Variants in AKAP3 observed in about 807,000 individuals in gnomAD.
The protein encoded by AKAP3 is A-kinase anchor protein 3.
Under a neutral mutation model 57.2 loss-of-function variants are expected in AKAP3, and 27 were observed. The ratio of observed to expected loss-of-function variants is 0.47; its 90% CI spans 0.35 to 0.65. The LOEUF (loss-of-function observed/expected upper bound fraction) is 0.65. Ranked by LOEUF, AKAP3 falls within the 30% of genes least tolerant of loss-of-function variation. The probability of loss-of-function intolerance (pLI) is 0.01; values close to 1 mark genes in which losing one functional copy is unlikely to be tolerated. For missense variants in AKAP3, 959 were observed against 1,040.0 expected, an observed-to-expected ratio of 0.92 and a Z score of 1.07; for synonymous variants, 334 against 392.3, an observed-to-expected ratio of 0.85 and a Z score of 1.76.
At position 4,638,210 on chromosome 12, in the gene AKAP3, A is replaced by T; in HGVS notation, c.1-14T>A. 2 of 1,566,970 alleles carry T rather than the reference A, an allele frequency of 1.3e-6. No individual in the cohort carries two copies. The highest frequency in any genetic ancestry group is 1.7e-6 in the Non-Finnish European group (2 of 1,145,480). ...CTTTTCTGACATCTGGAAGCAGGGG[A>T]AAAAAATGAGAAAGGGTCATCACAA... On this transcript the variant is annotated splice_polypyrimidine_tract_variant and intron_variant, in intron 3 of 5. Coordinates refer to ENST00000228850, the MANE Select transcript of AKAP3 (RefSeq NM_001278309.2).
In AKAP3 at chr12:4,627,784, A is replaced by G; in HGVS notation, c.1118T>C (p.Ile373Thr). The G allele has an allele frequency of 1.2e-6, 2 of 1,614,036 alleles. No individual in the cohort carries two copies. Among genetic ancestry groups the G allele is most frequent in the East Asian group, 2.2e-5 (1 of 44,878 alleles). ...FSHGSQKATD[I>T]MDAMLRKLYN... ...CAGCTTCCTTAGCATGGCATCCATG[A>G]TATCTGTGGCCTTTTGGCTTCCATG... The change falls in exon 5 of 6, where the codon ATC becomes ACC. Residue 373 changes from isoleucine (I) to threonine (T), a missense_variant. Physicochemically the swap from Ile to Thr is moderately conservative, Grantham distance 89 (BLOSUM62 -1). Coordinates refer to ENST00000228850, the MANE Select transcript of AKAP3 (RefSeq NM_001278309.2).
chr12:4,644,680 A>G (rs962322167), intron 2 of AKAP3, among the ~76,000 whole-genome samples: 1 of 152,206 alleles, frequency 6.6e-6, no homozygotes, highest in African/African-American at 2.4e-5. Flanking sequence ...GGGAGGCCGA[A>G]GTGGAGGGGA....
At chr12:4,631,052 GGT>G (rs1565555143) in intron 4 of AKAP3, among the ~76,000 whole-genome samples, 1 of 152,064 alleles carries the variant, frequency 6.6e-6, no homozygotes, top group Non-Finnish European at 1.5e-5. Context: ...AGGTGCACTA[GGT>G]GTGTCTTTTC....
chr12:4,648,463 G>A (rs1945725620), intron 1 of AKAP3: 1 of 152,222 alleles, frequency 6.6e-6, no homozygotes, highest in Non-Finnish European at 1.5e-5. Flanking sequence ...CCTTGGATAG[G>A]ATGGTCAGAG....
rs778969713 is a variant in AKAP3, at chr12:4,628,169, C to T, written c.733G>A (p.Val245Met). The T allele has an allele frequency of 3.1e-6, 5 of 1,614,062 alleles. No individual in the cohort carries two copies. The African/African-American group carries it at 6.7e-5, about 22-fold the overall frequency. ...TAATCTCCATTACGAGATTCAAACA[C>T]TTCCTTATAGAAGAAAGACTTCTTA... Reference protein sequence around the residue: ...PSKKSFFYKEVFESRNGDYAR... With the variant: ...PSKKSFFYKEMFESRNGDYAR... Residue 245 changes from valine to methionine, a missense_variant, in exon 5 of 6, where the codon GTG becomes ATG. Coordinates refer to ENST00000228850, the MANE Select transcript of AKAP3 (RefSeq NM_001278309.2).
chr12:4,630,183 T>C (rs2299833), intron 4 of AKAP3, among the ~76,000 whole-genome samples: 68,736 of 152,070 alleles, frequency 0.45, 16,250 homozygotes, highest in Middle Eastern at 0.54. Context: ...CCAAGTGTCA[T>C]ATAGTTACTA....
chr12:4,624,562 A>C (rs539908782), intron 5 of AKAP3, among the ~76,000 whole-genome samples: 2 of 152,144 alleles, frequency 1.3e-5, no homozygotes, highest in Non-Finnish European at 2.9e-5. Flanking sequence ...GGGCTCACAG[A>C]CATCCCAGTG....
chr12:4,633,116 TAA>T (rs111238703), intron 4 of AKAP3, among the ~76,000 whole-genome samples: 4,089 of 141,120 alleles, frequency 0.029, 131 homozygotes, highest in South Asian at 0.12. Flanking sequence ...CCTTTTCAAT[TAA>T]AAAAAAAAAA....
At chr12:4,617,553 G>A (rs1945299858) in intron 5 of AKAP3, among the ~76,000 whole-genome samples, 1 of 152,176 alleles carries the variant, frequency 6.6e-6, no homozygotes, top group African/African-American at 2.4e-5. Flanking sequence ...AGGAGTTTGA[G>A]ACCAGCCTGG....
Position 4,626,486 on chromosome 12 carries a change from T to A in AKAP3, c.2406+10A>T. 6.2e-7 allele frequency: 1 copy of A among 1,608,600 alleles called. No individual in the cohort carries two copies. The highest frequency in any genetic ancestry group is 8.5e-7 in the Non-Finnish European group (1 of 1,176,742). ...TAAAGCTTCCAAATTCCTCTGCCTT[T>A]GTTTCTTACCTTCTCCTGGATCCCT... is the stretch of plus-strand genomic sequence containing the variant. On this transcript the variant is annotated intron_variant, in intron 5 of 5. Coordinates refer to ENST00000228850, the MANE Select transcript of AKAP3 (RefSeq NM_001278309.2).
intron 3 of AKAP3, among the ~76,000 whole-genome samples, chr12:4,640,885 A>G (rs912013983): frequency 6.6e-6 from 1 of 152,166 alleles, no homozygotes; most frequent in Non-Finnish European, 1.5e-5. Context: ...GGGGAAACTT[A>G]GGCATTCTTA....
At chr12:4,623,195 G>A (rs1945366396) in intron 5 of AKAP3, among the ~76,000 whole-genome samples, 2 of 152,200 alleles carry the variant, frequency 1.3e-5, no homozygotes, top group Non-Finnish European at 2.9e-5. Flanking sequence ...CAAAAGCAGT[G>A]TGGCAATTCC....
intron 5 of AKAP3, among the ~76,000 whole-genome samples, chr12:4,618,858 A>C (rs887996546): frequency 6.6e-6 from 1 of 152,258 alleles, no homozygotes; most frequent in African/African-American, 2.4e-5. Flanking sequence ...GCTCTTCAAA[A>C]GACTCCATTA....
chr12:4,642,801 G>T (rs1945653082), intron 2 of AKAP3, among the ~76,000 whole-genome samples: 1 of 152,164 alleles, frequency 6.6e-6, no homozygotes, highest in Non-Finnish European at 1.5e-5. Context: ...ATGCCTTATA[G>T]TAGCTAGTAT....
chr12:4,638,456 T>C (rs1945593239), intron 3 of AKAP3, among the ~76,000 whole-genome samples: 1 of 152,138 alleles, frequency 6.6e-6, no homozygotes, highest in African/African-American at 2.4e-5. Context: ...GCTTAACACA[T>C]CTTTGTTAAA....
chr12:4,632,227 G>GA (rs1377356792), intron 4 of AKAP3, among the ~76,000 whole-genome samples: 2 of 129,884 alleles, frequency 1.5e-5, no homozygotes, highest in Non-Finnish European at 3.5e-5. Flanking sequence ...CTTATAAAGA[G>GA]GCTACCTCTT....
Position 4,628,097 on chromosome 12 carries a change from G to A in AKAP3, c.805C>T (p.Arg269Ter), listed in dbSNP as rs1467971895. 2 of 1,613,852 alleles carry A rather than the reference G, an allele frequency of 1.2e-6. No homozygotes were observed. Among genetic ancestry groups the A allele is most frequent in the East Asian group, 2.2e-5 (1 of 44,876 alleles). Residue 269 changes from arginine to a stop codon, truncating the protein, a stop_gained, in exon 5 of 6, where the codon CGA (arginine) becomes TGA (stop). Transcript: ENST00000228850. LOFTEE classifies it high-confidence loss of function. Reference protein sequence around the residue: ...RFFPRERKRFRGQERPDDFTA... With the variant: ...RFFPRERKRF ...AAGTCATCAGGCCTTTCCTGCCCTCGAAACCTCTTTCTCTCCCGAGGAAAG... is the reference window on the plus strand; with the variant it reads ...AAGTCATCAGGCCTTTCCTGCCCTCAAAACCTCTTTCTCTCCCGAGGAAAG...
intron 1 of AKAP3, chr12:4,647,804 G>GT (rs1481455420): frequency 6.6e-6 from 1 of 152,066 alleles, no homozygotes; most frequent in African/African-American, 2.4e-5. Flanking sequence ...GAAATTCAAG[G>GT]TTTTTTTCTC....
In AKAP3 at chr12:4,628,073, A is replaced by G; in HGVS notation, c.829T>C (p.Phe277Leu). 1 of 1,614,142 alleles carries G rather than the reference A, an allele frequency of 6.2e-7. No individual in the cohort carries two copies. The highest frequency in any genetic ancestry group is 8.5e-7 in the Non-Finnish European group (1 of 1,180,022). ...RFRGQERPDD[F>L]TASVSEGIMT... is the part of the protein sequence containing the mutation. ...ATCCCTTCACTAACAGAAGCCGTAA[A>G]GTCATCAGGCCTTTCCTGCCCTCGA... Residue 277 changes from phenylalanine (F) to leucine (L), a missense_variant, in exon 5 of 6, where the codon TTT becomes CTT. By Grantham distance (22) the Phe-to-Leu change is conservative. Coordinates refer to ENST00000228850, the MANE Select transcript of AKAP3 (RefSeq NM_001278309.2).
Sources: allele counts gnomAD v4.1 joint callset (sites outside exome capture counted in the v4.1 genomes callset), GRCh38; gene constraint gnomAD v4.1.1; transcripts MANE v1.5; gene names NCBI Gene and HGNC (gene_info 2026-07-23, HGNC 2026-07-21).